URI1: variants seen among roughly 807,000 people sequenced by gnomAD.
URI1 encodes unconventional prefoldin RPB5 interactor 1.
In URI1, 39 loss-of-function variants were observed where a neutral mutation model predicts 60.2. The ratio of observed to expected loss-of-function variants is 0.65; its 90% CI spans 0.50 to 0.85. The LOEUF (loss-of-function observed/expected upper bound fraction) is 0.85. Ranked by LOEUF, URI1 falls within the 40% of genes least tolerant of loss-of-function variation. URI1 has a pLI of 0.00. For missense variants in URI1, 691 were observed against 665.9 expected (o/e 1.04, Z -0.42); for synonymous variants, 251 against 236.8 (o/e 1.06, Z -0.55).
At chr19:29,954,659 C>T (rs2055221431) in intron 1 of URI1, among the ~76,000 whole-genome samples, 2 of 151,598 alleles carry the variant, frequency 1.3e-5, no homozygotes, top group East Asian at 1.9e-4. Flanking sequence ...GAATTACAGG[C>T]GCCCACCACC....
chr19:30,002,718 CTG>C, intron 4 of URI1, among the ~76,000 whole-genome samples: 1 of 151,882 alleles, frequency 6.6e-6, no homozygotes, highest in East Asian at 1.9e-4. Flanking sequence ...CTGTGGAGAA[CTG>C]TCTTTTGTAC....
chr19:30,006,501 G>C (rs1235284704), intron 6 of URI1, among the ~76,000 whole-genome samples: 1 of 152,080 alleles, frequency 6.6e-6, no homozygotes, highest in Non-Finnish European at 1.5e-5. Context: ...TATTAAAGTT[G>C]AACAGAAAGA....
intron 1 of URI1, among the ~76,000 whole-genome samples, chr19:29,965,886 G>A (rs1293483275): frequency 1.3e-5 from 2 of 152,206 alleles, no homozygotes; most frequent in Non-Finnish European, 2.9e-5. Flanking sequence ...TGTGTAAAAC[G>A]AGACTAGATT....
chr19:29,979,824 G>A (rs774932219), intron 2 of URI1, among the ~76,000 whole-genome samples: 2 of 152,016 alleles, frequency 1.3e-5, no homozygotes, highest in Non-Finnish European at 2.9e-5. Flanking sequence ...CCTGAATTTT[G>A]TGGTACATTT....
At chr19:29,971,073 A>G (rs573008769) in intron 1 of URI1, 120 bp from the exon 2 acceptor site, 2 of 921,802 alleles carry the variant, frequency 2.2e-6, no homozygotes, top group African/African-American at 3.3e-5. Context: ...ACAAATAAAA[A>G]TGTATACTGA....
chr19:29,952,152 T>G (rs1291408443), intron 1 of URI1, among the ~76,000 whole-genome samples: 1 of 152,234 alleles, frequency 6.6e-6, no homozygotes, highest in African/African-American at 2.4e-5. Context: ...TTAAGTAATT[T>G]TTGCAAATAA....
At chr19:29,954,902 A>G (rs543756094) in intron 1 of URI1, among the ~76,000 whole-genome samples, 1 of 151,922 alleles carries the variant, frequency 6.6e-6, no homozygotes, top group African/African-American at 2.4e-5. Context: ...TCTCCCCTCC[A>G]TACTGCTTTC....
chr19:29,984,939 G>T (rs953385670), intron 2 of URI1, among the ~76,000 whole-genome samples: 1 of 151,766 alleles, frequency 6.6e-6, no homozygotes, highest in Non-Finnish European at 1.5e-5. Context: ...GACCAACATG[G>T]TGAAACCTCC....
chr19:29,938,361 G>A (rs1461236163), upstream of URI1, among the ~76,000 whole-genome samples: 1 of 152,062 alleles, frequency 6.6e-6, no homozygotes, highest in African/African-American at 2.4e-5. Flanking sequence ...GAGGTGCCAG[G>A]CTCTTTTAAA....
At chr19:29,961,687 T>G (rs1211537346) in intron 1 of URI1, among the ~76,000 whole-genome samples, 8 of 150,002 alleles carry the variant, frequency 5.3e-5, no homozygotes, top group African/African-American at 1.7e-4. Flanking sequence ...TTTTTTTTTT[T>G]TTTGTTGTTT....
In URI1 at chr19:29,942,504, C is replaced by G; in HGVS notation, c.-44C>G. On this transcript the variant is annotated 5_prime_UTR_variant, in exon 1 of 11. Coordinates refer to ENST00000392271, the MANE Select transcript of URI1 (RefSeq NM_003796.3). The stretch of plus-strand genomic sequence containing the variant: ...GCCGGCCGCGCCGCCTGCGCAGGCG[C>G]TGGTTCAGGACTCACACGCCGCGCT... 6 of 1,203,466 alleles carry G rather than the reference C, an allele frequency of 5.0e-6. No homozygotes were observed. The highest frequency in any genetic ancestry group is 6.2e-6 in the Non-Finnish European group (6 of 968,464). The allele number at this position is 1,203,466 out of a possible 1,614,324, so 74.5% of individuals were successfully genotyped here. A position where few individuals can be genotyped will look rare whatever the true frequency, so the allele number is the denominator to read the frequency against.
chr19:29,950,655 A>G (rs1487108465), intron 1 of URI1, among the ~76,000 whole-genome samples: 1 of 152,292 alleles, frequency 6.6e-6, no homozygotes, highest in South Asian at 2.1e-4. Flanking sequence ...TTTTACATCA[A>G]GGTCATTCTT....
intron 1 of URI1, 55 bp downstream of exon 1, chr19:29,942,719 G>C: frequency 7.5e-7 from 1 of 1,339,212 alleles, no homozygotes; most frequent in Non-Finnish European, 9.6e-7. Context: ...GCCCCTGCCT[G>C]TGCTCTGGGC....
chr19:30,013,326 T>A lies in URI1; in HGVS notation c.1425+795T>A, dbSNP rs1027265786. On this transcript the variant is annotated intron_variant, in intron 10 of 10. Coordinates refer to ENST00000392271, the MANE Select transcript of URI1 (RefSeq NM_003796.3). ...TATCTAAAAATTCCATTGCTTTTAC[T>A]AAATGGTATTATACTCAGTGTATTA... 9.2e-5 allele frequency among the ~76,000 whole-genome samples: 14 copies of A among 152,240 alleles called. 1 individual carries two copies. The highest frequency in any genetic ancestry group is 3.1e-4 in the African/African-American group (13 of 41,466).
chr19:30,005,644 A>G lies in URI1; in HGVS notation c.460-7A>G. The G allele has an allele frequency of 1.9e-6, 3 of 1,605,502 alleles. No homozygotes were observed. Among genetic ancestry groups the G allele is most frequent in the Non-Finnish European group, 2.5e-6 (3 of 1,177,510 alleles). ...GTTAATACGCTTTTTTTTTGTTTAAAAACCAGGCTGCAGGTGATATTGTTG... is the reference window on the plus strand; with the variant it reads ...GTTAATACGCTTTTTTTTTGTTTAAGAACCAGGCTGCAGGTGATATTGTTG... On this transcript the variant is annotated splice_polypyrimidine_tract_variant and splice_region_variant and intron_variant, in intron 5 of 10. Coordinates refer to ENST00000392271, the MANE Select transcript of URI1 (RefSeq NM_003796.3).
intron 2 of URI1, among the ~76,000 whole-genome samples, chr19:29,984,744 G>T (rs1378927765): frequency 1.3e-5 from 2 of 152,084 alleles, no homozygotes; most frequent in African/African-American, 4.8e-5. Context: ...CTTGTTTTAT[G>T]ATACCTGGCC....
In URI1 at chr19:30,015,201, C is replaced by T. The variant is rs1398546962; in HGVS notation, c.*132C>T. The T allele has an allele frequency of 1.4e-6, 2 of 1,437,164 alleles. No homozygotes were observed. The highest frequency in any genetic ancestry group is 1.8e-6 in the Non-Finnish European group (2 of 1,098,076). 89.0% of individuals were successfully genotyped at this position (1,437,164 alleles called of 1,614,324 possible). ...GTTACTTTGGCAACAAGTTCTTTTA[C>T]CCTTACCCGTGGTATTTGAAAAAAA... On this transcript the variant is annotated 3_prime_UTR_variant, in exon 11 of 11. Coordinates refer to ENST00000392271, the MANE Select transcript of URI1 (RefSeq NM_003796.3).
At chr19:29,967,764 C>A (rs190024602) in intron 1 of URI1, among the ~76,000 whole-genome samples, 22 of 152,248 alleles carry the variant, frequency 1.4e-4, no homozygotes, top group African/African-American at 4.1e-4. Context: ...TAGATAGAAT[C>A]CCTGATAGAA....
chr19:30,015,611 A>G lies in URI1; in HGVS notation c.*542A>G. On this transcript the variant is annotated 3_prime_UTR_variant, in exon 11 of 11. Transcript: ENST00000392271. ...ACTGTAATCTTTAAGGAAGAAAGCT[A>G]CATGAATTAATTGTACTCTATGGGA... 1 of 1,518,318 alleles carries G rather than the reference A, an allele frequency of 6.6e-7. No homozygotes were observed. The highest frequency in any genetic ancestry group is 8.8e-7 in the Non-Finnish European group (1 of 1,136,662). The allele number at this position is 1,518,318 out of a possible 1,614,324, so 94.1% of individuals were successfully genotyped here.
Sources: allele counts gnomAD v4.1 joint callset (sites outside exome capture counted in the v4.1 genomes callset), GRCh38; gene constraint gnomAD v4.1.1; transcripts MANE v1.5; gene names NCBI Gene and HGNC (gene_info 2026-07-23, HGNC 2026-07-21).